Variants in SPAG16 observed in about 807,000 individuals in gnomAD.
SPAG16 encodes sperm-associated antigen 16 protein.
A neutral mutation model predicts 80.4 loss-of-function variants in SPAG16; 86 were observed. That is an observed-to-expected ratio of 1.07 (90% CI 0.90 to 1.28). The LOEUF (loss-of-function observed/expected upper bound fraction) is 1.28, where lower values mean the gene tolerates loss of function less well. Among genes scored for constraint, SPAG16 ranks in the 50% most tolerant of loss-of-function variants. The pLI is 0.00. For missense variants in SPAG16, 870 were observed against 765.3 expected (o/e 1.14, Z -1.61); for synonymous variants, 294 against 265.9 (o/e 1.11, Z -1.03).
chr2:213,798,905 A>G (rs1428325075), intron 10 of SPAG16, among the ~76,000 whole-genome samples: 1 of 152,200 alleles, frequency 6.6e-6, no homozygotes, highest in Non-Finnish European at 1.5e-5. Context: ...AGAGTTTATT[A>G]CTGGGTTCTT....
At chr2:213,859,251 G>A (rs1176010142) in intron 10 of SPAG16, among the ~76,000 whole-genome samples, 2 of 133,912 alleles carry the variant, frequency 1.5e-5, no homozygotes, top group Admixed American at 7.9e-5. Context: ...GTATAATACC[G>A]GACTTCTACT....
At chr2:213,994,594 T>A (rs1170177010) in intron 12 of SPAG16, among the ~76,000 whole-genome samples, 1 of 145,280 alleles carries the variant, frequency 6.9e-6, no homozygotes, top group African/African-American at 2.6e-5. Flanking sequence ...TTTTTTTTTT[T>A]ACAACATTAG....
rs945441257 is a variant in SPAG16 at position 214,167,808 on chromosome 2, CT to C, written c.1720+18553del. ...ATAATGTTTTCAGTCTAATTATATA[CT>C]TTTTTTTTTTCATTTTAGTTATGTA... On this transcript the variant is annotated intron_variant, in intron 15 of 15. Coordinates refer to ENST00000331683, the MANE Select transcript of SPAG16 (RefSeq NM_024532.5). 5.7e-3 allele frequency among the ~76,000 whole-genome samples: 829 copies of C among 144,564 alleles called. 9 individuals carry two copies. The highest frequency in any genetic ancestry group is 0.016 in the African/African-American group (632 of 39,618). 94.8% of individuals were successfully genotyped at this position (144,564 alleles called of 152,430 possible).
intron 10 of SPAG16, among the ~76,000 whole-genome samples, chr2:213,512,180 T>G (rs555152368): frequency 6.6e-6 from 1 of 152,152 alleles, no homozygotes; most frequent in South Asian, 2.1e-4. Flanking sequence ...AGAATTCAGT[T>G]AAAATTCAAT....
At chr2:213,363,050 C>T (rs983322024) in intron 7 of SPAG16, among the ~76,000 whole-genome samples, 3 of 78,942 alleles carry the variant, frequency 3.8e-5, no homozygotes, top group Non-Finnish European at 8.3e-5. Context: ...ATTCTGGATG[C>T]GATTTTGAAA....
intron 10 of SPAG16, among the ~76,000 whole-genome samples, chr2:213,815,925 G>A (rs1229194701): frequency 6.6e-6 from 1 of 151,940 alleles, no homozygotes; most frequent in African/African-American, 2.4e-5. Flanking sequence ...TACTTAGTTG[G>A]ACTGTAGGCT....
chr2:214,335,160 A>C (rs1330960041), intron 15 of SPAG16, among the ~76,000 whole-genome samples: 1 of 152,196 alleles, frequency 6.6e-6, no homozygotes, highest in African/African-American at 2.4e-5. Context: ...GAATGTGACC[A>C]GGTCCTGTAC....
chr2:213,959,238 T>C (rs1394072871), intron 12 of SPAG16, among the ~76,000 whole-genome samples: 1 of 152,208 alleles, frequency 6.6e-6, no homozygotes, highest in East Asian at 1.9e-4. Context: ...GTGGTCTCTT[T>C]GATTTCATCT....
intron 15 of SPAG16, among the ~76,000 whole-genome samples, chr2:214,152,582 G>C (rs1162709695): frequency 6.6e-6 from 1 of 152,154 alleles, no homozygotes; most frequent in Non-Finnish European, 1.5e-5. Context: ...GCGGCGACGA[G>C]AGAGTGTAGA....
At chr2:214,254,311 T>C (rs1690522404) in intron 15 of SPAG16, among the ~76,000 whole-genome samples, 1 of 152,110 alleles carries the variant, frequency 6.6e-6, no homozygotes, top group South Asian at 2.1e-4. Flanking sequence ...GGCCAGAACT[T>C]CCAATACTGT....
intron 13 of SPAG16, among the ~76,000 whole-genome samples, chr2:214,035,380 G>C (rs1372575941): frequency 6.6e-6 from 1 of 152,236 alleles, no homozygotes; most frequent in Non-Finnish European, 1.5e-5. Context: ...GCTTTCTGCT[G>C]CCATTCATGG....
chr2:214,269,942 T>A (rs1022555544), intron 15 of SPAG16, among the ~76,000 whole-genome samples: 1 of 138,606 alleles, frequency 7.2e-6, no homozygotes, highest in African/African-American at 2.4e-5. Context: ...CTGATCGAGA[T>A]CTTATAATGA....
chr2:213,619,643 A>G (rs1397618838), intron 10 of SPAG16, among the ~76,000 whole-genome samples: 2 of 152,152 alleles, frequency 1.3e-5, no homozygotes, highest in Non-Finnish European at 2.9e-5. Flanking sequence ...TAGCTAATAT[A>G]AAAAAAGACA....
chr2:214,149,270 G>T lies in SPAG16; in HGVS notation c.1720+4G>T. On this transcript the variant is annotated splice_donor_region_variant and intron_variant, in intron 15 of 15. Coordinates refer to ENST00000331683, the MANE Select transcript of SPAG16 (RefSeq NM_024532.5). ...GAGGTGAATTTTGATTCATCAGGTA[G>T]GATCATTTTTGTCTAATGTTTCTGA... The T allele has an allele frequency of 6.4e-7, 1 of 1,551,860 alleles. No homozygotes were observed. Among genetic ancestry groups the T allele is most frequent in the South Asian group, 1.2e-5 (1 of 82,420 alleles).
At chr2:214,149,534 A>C (rs1415279239) in intron 15 of SPAG16, among the ~76,000 whole-genome samples, 1 of 152,130 alleles carries the variant, frequency 6.6e-6, no homozygotes, top group African/African-American at 2.4e-5. Flanking sequence ...AGTGCCATGC[A>C]AAATATTCAA....
intron 15 of SPAG16, among the ~76,000 whole-genome samples, chr2:214,333,168 A>T (rs1697046890): frequency 6.6e-6 from 1 of 152,156 alleles, no homozygotes; most frequent in Non-Finnish European, 1.5e-5. Context: ...AATATCATAG[A>T]TCTGAGAATT....
chr2:214,045,208 A>G (rs1429600724), intron 13 of SPAG16, among the ~76,000 whole-genome samples: 4 of 152,168 alleles, frequency 2.6e-5, no homozygotes, highest in African/African-American at 9.7e-5. Flanking sequence ...GCTCTGCCAG[A>G]GTAGGATAGG....
intron 3 of SPAG16, among the ~76,000 whole-genome samples, chr2:213,307,460 G>GT (rs1196296005): frequency 7.0e-6 from 1 of 141,860 alleles, no homozygotes; most frequent in Non-Finnish European, 1.5e-5. Context: ...GCGGTGTTTG[G>GT]TTTTTTGTTC....
intron 5 of SPAG16, among the ~76,000 whole-genome samples, chr2:213,339,694 T>A (rs2124949182): frequency 6.6e-6 from 1 of 152,306 alleles, no homozygotes; most frequent in South Asian, 2.1e-4. Flanking sequence ...CTAGAATTTA[T>A]ATGCTTTCTT....
Sources: gnomAD v4.1 joint callset for allele counts (sites outside exome capture counted in the v4.1 genomes callset) on GRCh38, gnomAD v4.1.1 for gene constraint, MANE v1.5 for transcripts, NCBI Gene and HGNC (gene_info 2026-07-23, HGNC 2026-07-21) for gene names.